The following RGS6 variants were observed in gnomAD, a reference collection of about 807,000 sequenced individuals.
RGS6 encodes regulator of G protein signaling 6.
Under a neutral mutation model 78.5 loss-of-function variants are expected in RGS6, and 30 were observed. The observed-to-expected ratio is 0.38, with a 90% CI of 0.29 to 0.52. The LOEUF (loss-of-function observed/expected upper bound fraction) is 0.52. Among genes scored for constraint, RGS6 ranks in the 20% least tolerant of loss-of-function variants. The pLI is 0.85. For synonymous variants in RGS6, 206 were observed against 206.0 expected (o/e 1.00, Z 0.00); for missense variants, 495 against 609.7 (o/e 0.81, Z 1.98).
At chr14:72,104,705 A>G (rs2095598439) in intron 2 of RGS6, among the ~76,000 whole-genome samples, 1 of 152,218 alleles carries the variant, frequency 6.6e-6, no homozygotes, top group Non-Finnish European at 1.5e-5. Context: ...AAACACAAAT[A>G]TGAGAACTGA....
At position 71,948,738 on chromosome 14, in the gene RGS6, C is replaced by CTTTTTTTTTTTTTTT. The variant is rs766352167; in HGVS notation, c.-21+15798_-21+15799insTTTTTTTTTTTTTTT. Among the ~76,000 whole-genome samples the CTTTTTTTTTTTTTTT allele has an allele frequency of 8.0e-5, 6 of 75,218 alleles. 2 individuals are homozygous for CTTTTTTTTTTTTTTT. The highest frequency in any genetic ancestry group is 9.4e-4 in the East Asian group (2 of 2,128). The allele number at this position is 75,218 out of a possible 152,430, so 49.3% of individuals were successfully genotyped here. A position where few individuals can be genotyped will look rare whatever the true frequency, so the allele number is the denominator to read the frequency against. ...AAGCTGATTTCCTTTCTCTCTCTCTCTCTTTTTTTTTTTTTTTTTTTTTTT... is the reference window on the plus strand; with the variant it reads ...AAGCTGATTTCCTTTCTCTCTCTCTCTTTTTTTTTTTTTTTTCTTTTTTTTTTTTTTTTTTTTTTT... On this transcript the variant is annotated intron_variant, in intron 1 of 17. Coordinates refer to ENST00000553525, the MANE Select transcript of RGS6 (RefSeq NM_001204424.2).
intron 2 of RGS6, among the ~76,000 whole-genome samples, chr14:72,157,953 A>G (rs1460800156): frequency 6.6e-6 from 1 of 152,036 alleles, no homozygotes; most frequent in Non-Finnish European, 1.5e-5. Context: ...TCAACCTGCC[A>G]TCTACATTAG....
chr14:72,368,926 G>C (rs1046718136), intron 3 of RGS6, among the ~76,000 whole-genome samples: 1 of 152,144 alleles, frequency 6.6e-6, no homozygotes, highest in South Asian at 2.1e-4. Context: ...CATATGGGTA[G>C]GTTATTCTAG....
the RGS6 span, chr14:72,619,436 A>AACTTCTTGAAAATCCTGTTTCCTTTG: frequency 6.7e-7 from 1 of 1,484,014 alleles, no homozygotes; most frequent in Non-Finnish European, 9.1e-7. Context: ...CACTGGCCCT[A>AACTTCTTGAAAATCCTGTTTCCTTTG]ACTTCTTGTA....
At position 72,271,912 on chromosome 14, in the gene RGS6, C is replaced by T. The variant is rs191084394; in HGVS notation, c.85-80183C>T. ...AGCAGTAGTTGAGTCCTCCTTAACA[C>T]AGCATCACTTTTTTTTTTTTTTTTT... On this transcript the variant is annotated intron_variant, in intron 2 of 17. Transcript: ENST00000553525. Among the ~76,000 whole-genome samples, 4 of 148,532 alleles carry T rather than the reference C, an allele frequency of 2.7e-5. No homozygotes were observed. The East Asian group carries it at 5.9e-4, about 22-fold the overall frequency.
upstream of RGS6, among the ~76,000 whole-genome samples, chr14:71,928,289 A>G (rs1226938309): frequency 6.6e-6 from 1 of 152,230 alleles, no homozygotes; most frequent in African/African-American, 2.4e-5. Flanking sequence ...TCAGGATTTA[A>G]CATGAAGCAA....
chr14:72,418,406 A>T (rs1224307101), intron 3 of RGS6, among the ~76,000 whole-genome samples: 1 of 152,156 alleles, frequency 6.6e-6, no homozygotes. Context: ...ACCTCAAGCA[A>T]TCCACTTACC....
At chr14:71,971,975 T>G (rs1346381073) in intron 2 of RGS6, among the ~76,000 whole-genome samples, 1 of 151,266 alleles carries the variant, frequency 6.6e-6, no homozygotes, top group Admixed American at 6.6e-5. Context: ...TGGGTGGTAG[T>G]AGTCTTAGTG....
chr14:72,252,283 C>T (rs2056002942), intron 2 of RGS6, among the ~76,000 whole-genome samples: 1 of 152,198 alleles, frequency 6.6e-6, no homozygotes, highest in South Asian at 2.1e-4. Context: ...TTTAGAAGCA[C>T]CACTGAACAA....
the RGS6 span, among the ~76,000 whole-genome samples, chr14:71,871,342 G>A: frequency 6.6e-6 from 1 of 152,176 alleles, no homozygotes; most frequent in Non-Finnish European, 1.5e-5. Context: ...CTATAGACAT[G>A]TGCTTGATAG....
rs529437532 is a variant in RGS6 at position 72,321,728 on chromosome 14, TAGAA to T, written c.85-30363_85-30360del. On this transcript the variant is annotated intron_variant, in intron 2 of 17. Transcript: ENST00000553525. Reference sequence around the variant, plus strand: ...AAACTACCAAAAAGATAAGGAAAAATAGAAAGACTTTAATTATAGGAGGCTTAAC... The same window carrying T: ...AAACTACCAAAAAGATAAGGAAAAATAGACTTTAATTATAGGAGGCTTAAC... 5.3e-5 allele frequency among the ~76,000 whole-genome samples: 8 copies of T among 151,862 alleles called. No homozygotes were observed. In the South Asian group the frequency reaches 1.5e-3, roughly 28 times the overall value.
At chr14:71,990,722 A>G (rs1387369245) in intron 2 of RGS6, 3 of 455,824 alleles carry the variant, frequency 6.6e-6, no homozygotes, top group African/African-American at 2.0e-5. Flanking sequence ...TCCTCTCTAC[A>G]TGCTGCATTG....
chr14:72,597,765 C>G, the RGS6 span, among the ~76,000 whole-genome samples: 2 of 152,132 alleles, frequency 1.3e-5, no homozygotes, highest in Non-Finnish European at 2.9e-5. Context: ...TGTTATTTTT[C>G]CTGGACTTGG....
the RGS6 span, among the ~76,000 whole-genome samples, chr14:71,880,759 C>G: frequency 1.3e-5 from 2 of 152,236 alleles, no homozygotes; most frequent in African/African-American, 4.8e-5. Flanking sequence ...TGGACAACCT[C>G]TGCTAGGGCT....
At chr14:72,279,067 G>A (rs929873207) in intron 2 of RGS6, among the ~76,000 whole-genome samples, 4 of 152,008 alleles carry the variant, frequency 2.6e-5, no homozygotes, top group Admixed American at 2.6e-4. Context: ...TCTGTAAAGG[G>A]CGCTATCTCC....
intron 13 of RGS6, among the ~76,000 whole-genome samples, chr14:72,507,140 G>C (rs1230450026): frequency 2.0e-5 from 3 of 152,126 alleles, no homozygotes; most frequent in Non-Finnish European, 4.4e-5. Context: ...CTGCACTCCA[G>C]CCTGGACAAC....
chr14:71,944,206 C>T (rs879315063), intron 1 of RGS6, among the ~76,000 whole-genome samples: 2 of 152,096 alleles, frequency 1.3e-5, no homozygotes, highest in African/African-American at 2.4e-5. Context: ...ACTATGGGTC[C>T]GTCATATGGT....
rs538249375 is a variant in RGS6 at position 72,088,083 on chromosome 14, T to C, written c.84+123208T>C. 2.6e-5 allele frequency among the ~76,000 whole-genome samples: 4 copies of C among 152,280 alleles called. No homozygotes were observed. In the East Asian group the frequency reaches 7.7e-4, roughly 29 times the overall value. ...GAGCAAAGAGAAGACCAGAATCTTT[T>C]GGTACCATCTCCTTCTGCATTTGAG... On this transcript the variant is annotated intron_variant, in intron 2 of 17. Transcript: ENST00000553525.
chr14:72,161,549 G>A (rs1273050042), intron 2 of RGS6, among the ~76,000 whole-genome samples: 2 of 152,174 alleles, frequency 1.3e-5, no homozygotes, highest in African/African-American at 4.8e-5. Flanking sequence ...TGACCCCAGA[G>A]CCAGTCTTGG....
Sources: gnomAD v4.1 joint callset for allele counts (sites outside exome capture counted in the v4.1 genomes callset) on GRCh38, gnomAD v4.1.1 for gene constraint, MANE v1.5 for transcripts, NCBI Gene and HGNC (gene_info 2026-07-23, HGNC 2026-07-21) for gene names.